VCL: variants seen among roughly 807,000 people sequenced by gnomAD.
The protein encoded by VCL is epididymis luminal protein 114.
In VCL, 47 loss-of-function variants were observed where a neutral mutation model predicts 125.7. That is an observed-to-expected ratio of 0.37 (90% confidence interval 0.30 to 0.48). The LOEUF (loss-of-function observed/expected upper bound fraction) is 0.48, where lower values mean the gene tolerates loss of function less well. Ranked by LOEUF, VCL falls within the 20% of genes least tolerant of loss-of-function variation. VCL has a pLI of 0.99. For synonymous variants in VCL, 458 were observed against 514.6 expected (o/e 0.89, Z 1.49); for missense variants, 1,069 against 1,455.5 (o/e 0.73, Z 4.32).
At position 74,112,128 on chromosome 10, in the gene VCL, C is replaced by T. The variant is rs368814033; in HGVS notation, c.2949+16C>T. 5 of 1,613,982 alleles carry T rather than the reference C, an allele frequency of 3.1e-6. No individual in the cohort carries two copies. Among genetic ancestry groups the T allele is most frequent in the Non-Finnish European group, 4.2e-6 (5 of 1,180,018 alleles). On this transcript the variant is annotated intron_variant, in intron 19 of 21. Coordinates refer to ENST00000211998, the MANE Select transcript of VCL (RefSeq NM_014000.3). ...GTCTAGTAAGGTACTGATAAGCACC[C>T]CCAGTTGGGGGCTGCTCCATATGCA...
At chr10:74,010,434 G>T (rs1220676354) in intron 1 of VCL, among the ~76,000 whole-genome samples, 2 of 151,864 alleles carry the variant, frequency 1.3e-5, no homozygotes, top group African/African-American at 4.8e-5. Flanking sequence ...AATTTTTCTT[G>T]TTACAAAATA....
intron 12 of VCL, among the ~76,000 whole-genome samples, chr10:74,096,426 A>AT (rs979929679): frequency 6.0e-4 from 91 of 152,240 alleles, no homozygotes; most frequent in African/African-American, 2.1e-3. Context: ...AGCTAGTTGT[A>AT]TTTTTTCTAT....
chr10:74,084,281 T>TTTTATTTA (rs568775047), intron 8 of VCL, among the ~76,000 whole-genome samples: 13 of 151,364 alleles, frequency 8.6e-5, no homozygotes, highest in South Asian at 2.1e-4. Flanking sequence ...TAAAACATGT[T>TTTTATTTA]TTTATTTATT....
chr10:74,059,385 TCTC>T (rs1214896120), intron 2 of VCL, among the ~76,000 whole-genome samples: 1 of 148,400 alleles, frequency 6.7e-6, no homozygotes, highest in Non-Finnish European at 1.5e-5. Flanking sequence ...AAAGAAAAAA[TCTC>T]CTCCTGCTTT....
chr10:74,075,449 C>T (rs1174264111), intron 6 of VCL: 1 of 154,924 alleles, frequency 6.5e-6, no homozygotes, highest in East Asian at 1.9e-4. Context: ...GGGATCCCTT[C>T]ACCCTTTTTC....
rs778383501 is a variant in VCL, at chr10:74,074,824, A to G, written c.704A>G (p.Glu235Gly). 2.5e-6 allele frequency: 4 copies of G among 1,614,208 alleles called. No homozygotes were observed. In the South Asian group the frequency reaches 4.4e-5, roughly 18 times the overall value. ...EALKNRNFTV[E>G]KMSAEINEII... ...TTAAAAAATCGCAATTTTACTGTAGAAAAAATGAGTGCTGAAATTAATGAG... is the reference window on the plus strand; with the variant it reads ...TTAAAAAATCGCAATTTTACTGTAGGAAAAATGAGTGCTGAAATTAATGAG... Residue 235 changes from glutamate to glycine, a missense_variant, in exon 6 of 22, where the codon GAA becomes GGA. Glu to Gly is a moderately conservative substitution (Grantham distance 98, BLOSUM62 -2). Around this residue, in one of 6 missense-constraint regions of VCL, gnomAD observed 760 missense variants for 928.9 expected, o/e 0.82. Transcript: ENST00000211998.
chr10:74,099,152 C>T (rs1221562474), intron 13 of VCL, among the ~76,000 whole-genome samples: 1 of 152,210 alleles, frequency 6.6e-6, no homozygotes, highest in Non-Finnish European at 1.5e-5. Context: ...CAACCTGACT[C>T]TGACATTCTC....
chr10:74,004,887 T>G (rs1840292585), intron 1 of VCL, among the ~76,000 whole-genome samples: 1 of 152,072 alleles, frequency 6.6e-6, no homozygotes, highest in Admixed American at 6.6e-5. Flanking sequence ...GTATTTTTAG[T>G]GGACACTAGG....
chr10:74,110,222 G>T (rs1368273501), intron 18 of VCL, among the ~76,000 whole-genome samples: 1 of 152,072 alleles, frequency 6.6e-6, no homozygotes, highest in Non-Finnish European at 1.5e-5. Flanking sequence ...GAGTGGGGGA[G>T]GGTGACAGTG....
intron 17 of VCL, among the ~76,000 whole-genome samples, chr10:74,107,631 G>C (rs1348170634): frequency 6.6e-6 from 1 of 152,084 alleles, no homozygotes; most frequent in Admixed American, 6.6e-5. Context: ...GCTGGCTTTG[G>C]TAAGTGTGGA....
intron 1 of VCL, among the ~76,000 whole-genome samples, chr10:74,006,015 A>G (rs1242305658): frequency 2.0e-5 from 3 of 152,148 alleles, no homozygotes; most frequent in East Asian, 3.9e-4. Context: ...CCTCCTGAGT[A>G]GTTGGGATTA....
intron 19 of VCL, among the ~76,000 whole-genome samples, chr10:74,112,384 C>T (rs758822002): frequency 7.2e-5 from 11 of 152,236 alleles, no homozygotes; most frequent in African/African-American, 2.6e-4. Flanking sequence ...ATTTTGTGGC[C>T]ATCGCTGGAA....
chr10:74,111,262 T>C (rs1840214669), intron 18 of VCL, among the ~76,000 whole-genome samples: 1 of 152,222 alleles, frequency 6.6e-6, no homozygotes, highest in African/African-American at 2.4e-5. Context: ...TTAAGTTCTC[T>C]TCAGTCACCA....
intron 1 of VCL, among the ~76,000 whole-genome samples, chr10:74,038,235 G>A (rs1450909981): frequency 2.0e-5 from 3 of 152,132 alleles, no homozygotes; most frequent in Non-Finnish European, 4.4e-5. Context: ...GATATCAGGT[G>A]TTCCACCCGC....
intron 7 of VCL, 44 bp from the exon 8 acceptor site, chr10:74,083,322 T>C (rs1839709423): frequency 6.2e-7 from 1 of 1,610,294 alleles, no homozygotes; most frequent in African/African-American, 1.3e-5. Context: ...CTCTAAATAA[T>C]GAATGTGTCA....
rs1220452154 is a variant in VCL at position 74,094,373 on chromosome 10, A to G, written c.1455A>G (p.Arg485=). The G allele has an allele frequency of 6.2e-7, 1 of 1,614,176 alleles. No homozygotes were observed. ...CCAACCGGGCTGTGGCCAACAGCAG[A>G]CCGGCCAAAGCAGCTGTACACCTTG... ...TKTNRAVANS[R]PAKAAVHLEG... is the part of the protein sequence containing the mutation. The change falls in exon 11 of 22, where the codon AGA becomes AGG. Residue 485 remains arginine, a synonymous_variant. Transcript: ENST00000211998.
chr10:74,102,147 G>A (rs1189993232), intron 14 of VCL, among the ~76,000 whole-genome samples: 1 of 151,992 alleles, frequency 6.6e-6, no homozygotes, highest in African/African-American at 2.4e-5. Flanking sequence ...TTACAGGCAT[G>A]AGCTACTGCG....
At chr10:74,002,657 G>A (rs1840248695) in intron 1 of VCL, among the ~76,000 whole-genome samples, 1 of 151,520 alleles carries the variant, frequency 6.6e-6, no homozygotes, top group African/African-American at 2.4e-5. Context: ...GCCGAGGCGG[G>A]CTGATCACGA....
chr10:74,040,358 A>G (rs1003665405), intron 1 of VCL, among the ~76,000 whole-genome samples: 2 of 152,102 alleles, frequency 1.3e-5, no homozygotes. Context: ...ATAACTTACT[A>G]TTTTCTAAAG....
Sources: allele counts gnomAD v4.1 joint callset (sites outside exome capture counted in the v4.1 genomes callset), GRCh38; gene constraint gnomAD v4.1.1; regional missense constraint gnomAD v4.1.1; transcripts MANE v1.5; gene names NCBI Gene and HGNC (gene_info 2026-07-23, HGNC 2026-07-21).